Variants in RSPH14 observed in about 807,000 individuals in gnomAD.
RSPH14 encodes rhabdoid tumor deletion region gene 1.
Under a neutral mutation model 26.7 loss-of-function variants are expected in RSPH14, and 20 were observed. That is an observed-to-expected ratio of 0.75 (90% CI 0.53 to 1.09). RSPH14 has a LOEUF of 1.09. RSPH14 is among the 50% of genes least tolerant of loss of function. The pLI is 0.00. For synonymous variants in RSPH14, 177 were observed against 189.3 expected, an observed-to-expected ratio of 0.93 and a Z score of 0.53; for missense variants, 449 against 457.2, an observed-to-expected ratio of 0.98 and a Z score of 0.16.
chr22:23,134,548 CAAAAAAAAAAAA>C (rs59412175), intron 3 of RSPH14, among the ~76,000 whole-genome samples: 7 of 86,148 alleles, frequency 8.1e-5, no homozygotes, highest in South Asian at 4.4e-4. Context: ...AACTCCCAAC[CAAAAAAAAAAAA>C]AAAAAAAAAA....
At chr22:23,096,002 G>C in intron 4 of RSPH14, 1 of 1,608,938 alleles carries the variant, frequency 6.2e-7, no homozygotes, top group Non-Finnish European at 8.5e-7. Context: ...CCGCGCCTAC[G>C]ACGCTGTGCA....
intron 4 of RSPH14, among the ~76,000 whole-genome samples, chr22:23,091,425 A>G (rs549903848): frequency 3.3e-5 from 5 of 150,280 alleles, no homozygotes; most frequent in African/African-American, 2.5e-5. Context: ...CACACGCACC[A>G]CAATGGATTT....
chr22:23,085,093 C>G (rs1161032813), intron 4 of RSPH14, among the ~76,000 whole-genome samples: 3 of 152,190 alleles, frequency 2.0e-5, no homozygotes, highest in Non-Finnish European at 4.4e-5. Flanking sequence ...ACCCCCACCT[C>G]AGATAGGTGG....
At chr22:23,095,984 A>G (rs748545161) in intron 4 of RSPH14, 1 of 1,610,180 alleles carries the variant, frequency 6.2e-7, no homozygotes, top group Non-Finnish European at 8.5e-7. Context: ...CGACTTCCAC[A>G]ACCCCGACCG....
At chr22:23,140,171 G>A in intron 2 of RSPH14, 51 bp downstream of exon 2, 2 of 1,604,652 alleles carry the variant, frequency 1.2e-6, no homozygotes, top group East Asian at 2.2e-5. Flanking sequence ...CCCAGTGCCT[G>A]AAGCCATGCT....
chr22:23,161,106 C>G, the RSPH14 span: 1 of 1,349,658 alleles, frequency 7.4e-7, no homozygotes, highest in Non-Finnish European at 1.0e-6. Flanking sequence ...ACTTGTGGCC[C>G]TCTCCTGTCC....
the RSPH14 span, among the ~76,000 whole-genome samples, chr22:23,166,153 A>T: frequency 3.1e-5 from 4 of 127,124 alleles, no homozygotes; most frequent in African/African-American, 1.6e-4. Context: ...CTTTTAAAAA[A>T]AAAAAAAAAA....
intron 4 of RSPH14, among the ~76,000 whole-genome samples, chr22:23,122,109 T>C (rs2070047715): frequency 6.6e-6 from 1 of 152,206 alleles, no homozygotes; most frequent in Admixed American, 6.5e-5. Context: ...ATTGAGTTTA[T>C]CTTAGAAGCA....
At chr22:23,109,856 T>C (rs948454697) in intron 4 of RSPH14, among the ~76,000 whole-genome samples, 14 of 152,156 alleles carry the variant, frequency 9.2e-5, no homozygotes, top group Non-Finnish European at 1.5e-4. Context: ...GACCCAGCAG[T>C]TGAGCAGGTA....
chr22:23,060,906 A>G (rs376138693), intron 6 of RSPH14, among the ~76,000 whole-genome samples: 12 of 152,208 alleles, frequency 7.9e-5, no homozygotes, highest in African/African-American at 2.9e-4. Flanking sequence ...TGGCCCTCCA[A>G]GCACTCCTAC....
At chr22:23,087,606 A>G (rs964796897) in intron 4 of RSPH14, among the ~76,000 whole-genome samples, 1 of 152,236 alleles carries the variant, frequency 6.6e-6, no homozygotes, top group Non-Finnish European at 1.5e-5. Flanking sequence ...TATTACTCAA[A>G]TCAGTCTCCT....
intron 4 of RSPH14, among the ~76,000 whole-genome samples, chr22:23,089,915 G>A (rs2068919940): frequency 6.6e-6 from 1 of 152,166 alleles, no homozygotes; most frequent in Admixed American, 6.5e-5. Context: ...AGGCAGGCAG[G>A]TGCAGACTCT....
intron 4 of RSPH14, among the ~76,000 whole-genome samples, chr22:23,073,854 A>G (rs996070366): frequency 7.3e-5 from 11 of 151,718 alleles, no homozygotes; most frequent in Non-Finnish European, 1.5e-4. Context: ...CCAGACGGGC[A>G]GGGGTTGACA....
chr22:23,180,570 A>AGGCGGC, the RSPH14 span: 33,971 of 108,498 alleles, frequency 0.31, 3,505 homozygotes, highest in Admixed American at 0.36. Context: ...GCGTCCGAGG[A>AGGCGGC]GGCGGCGGCG....
chr22:23,168,432 C>T, the RSPH14 span, among the ~76,000 whole-genome samples: 1 of 152,164 alleles, frequency 6.6e-6, no homozygotes, highest in Non-Finnish European at 1.5e-5. Context: ...CAGAGAGGGA[C>T]CCCTCCTCTC....
At chr22:23,130,072 AAAGAAAGAAAGG>A (rs1197419966) in intron 4 of RSPH14, among the ~76,000 whole-genome samples, 918 of 32,886 alleles carry the variant, frequency 0.028, 64 homozygotes, top group African/African-American at 0.1. Flanking sequence ...AGAAAGAAAG[AAAGAAAGAAAGG>A]AAGAAAGAAA....
chr22:23,081,949 C>T (rs923428892), intron 4 of RSPH14, among the ~76,000 whole-genome samples: 43 of 150,564 alleles, frequency 2.9e-4, no homozygotes, highest in Admixed American at 3.3e-4. Context: ...CACAGTGAAA[C>T]CTCATCTCTA....
At chr22:23,158,838 T>C in the RSPH14 span, 1 of 1,495,492 alleles carries the variant, frequency 6.7e-7, no homozygotes, top group Non-Finnish European at 9.3e-7. Context: ...GTGTGCCCTC[T>C]GCCCCCTGTT....
chr22:23,069,962 G>A (rs1013055657), intron 4 of RSPH14, among the ~76,000 whole-genome samples: 4 of 152,268 alleles, frequency 2.6e-5, no homozygotes, highest in East Asian at 3.9e-4. Context: ...AAGGCGAGCC[G>A]GGACTGGCTG....
Sources: allele counts gnomAD v4.1 joint callset (sites outside exome capture counted in the v4.1 genomes callset), GRCh38; gene constraint gnomAD v4.1.1; transcripts MANE v1.5; gene names NCBI Gene and HGNC (gene_info 2026-07-23, HGNC 2026-07-21).